The following GPM6A variants were observed in gnomAD, a reference collection of about 807,000 sequenced individuals.
GPM6A encodes the protein glycoprotein M6A.
A neutral mutation model predicts 32.1 loss-of-function variants in GPM6A; 7 were observed. The ratio of observed to expected loss-of-function variants is 0.22; its 90% CI spans 0.12 to 0.41. GPM6A has a LOEUF of 0.41. GPM6A is among the 10% of genes least tolerant of loss of function. The probability of loss-of-function intolerance (pLI) is 1.00; values close to 1 mark genes in which losing one functional copy is unlikely to be tolerated. For synonymous variants in GPM6A, 130 were observed against 123.4 expected (o/e 1.05, Z -0.35); for missense variants, 235 against 347.2 (o/e 0.68, Z 2.57).
chr4:175,799,328 A>G (rs936243497), intron 1 of GPM6A, among the ~76,000 whole-genome samples: 2 of 151,940 alleles, frequency 1.3e-5, no homozygotes, highest in South Asian at 2.1e-4. Flanking sequence ...ACTCTGGACC[A>G]CTCATTTTGA....
intron 1 of GPM6A, among the ~76,000 whole-genome samples, chr4:175,754,256 T>C (rs965569543): frequency 2.0e-5 from 3 of 152,098 alleles, no homozygotes; most frequent in East Asian, 3.9e-4. Flanking sequence ...GTCTCCTTGA[T>C]ATGCTCAAGT....
chr4:175,727,167 G>A (rs1258174808), intron 1 of GPM6A, among the ~76,000 whole-genome samples: 1 of 152,112 alleles, frequency 6.6e-6, no homozygotes, highest in Non-Finnish European at 1.5e-5. Context: ...TTGACATTAT[G>A]TCATCGGTAT....
At chr4:175,812,020 C>T in intron 1 of GPM6A, 171 bp downstream of exon 1, 1 of 548,724 alleles carries the variant, frequency 1.8e-6, no homozygotes, top group Non-Finnish European at 3.2e-6. Flanking sequence ...CAAATAATGA[C>T]AACATTCGTG....
In GPM6A at chr4:175,756,840, A is replaced by G. The variant is rs149061963; in HGVS notation, c.38-55073T>C. Among the ~76,000 whole-genome samples, 1,062 of 152,268 alleles carry G rather than the reference A, an allele frequency of 7.0e-3. 8 individuals carry two copies. The highest frequency in any genetic ancestry group is 0.01 in the Non-Finnish European group (691 of 68,016). ...AAGTAAAATCAATTGCCCCTTTGAT[A>G]AAATACTGACATCTCAAAGTAAATT... On this transcript the variant is annotated intron_variant, in intron 1 of 6. Transcript: ENST00000393658.
At chr4:175,805,298 T>C (rs923107495) in intron 1 of GPM6A, among the ~76,000 whole-genome samples, 9 of 152,170 alleles carry the variant, frequency 5.9e-5, no homozygotes, top group Non-Finnish European at 1.5e-5. Context: ...AAAGAATAGG[T>C]AATTCACCAT....
At chr4:175,749,288 A>T (rs1732227302) in intron 1 of GPM6A, among the ~76,000 whole-genome samples, 1 of 152,182 alleles carries the variant, frequency 6.6e-6, no homozygotes, top group Non-Finnish European at 1.5e-5. Context: ...TCACCATAAC[A>T]AATATAATAA....
At chr4:175,973,243 G>A (rs925253233) in intron 1 of GPM6A, among the ~76,000 whole-genome samples, 3 of 152,156 alleles carry the variant, frequency 2.0e-5, no homozygotes, top group Admixed American at 1.3e-4. Context: ...AGCAGTCCAC[G>A]TCAACAGAGT....
rs184030495 is a variant in GPM6A at position 175,991,565 on chromosome 4, C to A, written c.-23+10744G>T. Among the ~76,000 whole-genome samples the A allele has an allele frequency of 1.5e-3, 229 of 152,058 alleles. 2 individuals are homozygous for A. Among genetic ancestry groups the A allele is most frequent in the Non-Finnish European group, 2.0e-3 (137 of 67,990 alleles). ...GAAGTTCATTATTTGCACTTCAAAT[C>A]TAGATGGAAATACATAGTTGACTTA... On this transcript the variant is annotated intron_variant, in intron 1 of 7. Coordinates refer to the GPM6A transcript ENST00000280187.
intron 1 of GPM6A, among the ~76,000 whole-genome samples, chr4:175,879,858 A>G (rs937501622): frequency 1.3e-5 from 2 of 152,202 alleles, no homozygotes; most frequent in Non-Finnish European, 1.5e-5. Context: ...TAATAAAATA[A>G]TATTGAAAAA....
intron 1 of GPM6A, among the ~76,000 whole-genome samples, chr4:175,842,696 T>C (rs1735977433): frequency 6.6e-6 from 1 of 152,156 alleles, no homozygotes; most frequent in Non-Finnish European, 1.5e-5. Context: ...TGAGATCCTG[T>C]GTCTAAAAAA....
At chr4:175,645,969 TTTTC>T (rs1182834250) in intron 4 of GPM6A, among the ~76,000 whole-genome samples, 1 of 152,200 alleles carries the variant, frequency 6.6e-6, no homozygotes, top group Non-Finnish European at 1.5e-5. Context: ...GTTTTCTTTA[TTTTC>T]AAAGTCAGCA....
intron 3 of GPM6A, among the ~76,000 whole-genome samples, chr4:175,660,767 A>T (rs990930311): frequency 6.6e-6 from 1 of 152,184 alleles, no homozygotes; most frequent in Non-Finnish European, 1.5e-5. Flanking sequence ...TAGAATGAAG[A>T]AGCAAAAAAA....
intron 1 of GPM6A, among the ~76,000 whole-genome samples, chr4:175,830,425 A>ATAGTAGC (rs1371575614): frequency 1.3e-5 from 2 of 152,198 alleles, no homozygotes; most frequent in Non-Finnish European, 2.9e-5. Context: ...TGATGTAATA[A>ATAGTAGC]TAGTAGCTAA....
At chr4:175,667,450 G>A (rs1742812388) in intron 3 of GPM6A, among the ~76,000 whole-genome samples, 1 of 152,114 alleles carries the variant, frequency 6.6e-6, no homozygotes, top group Non-Finnish European at 1.5e-5. Flanking sequence ...GTAGTTCTTA[G>A]TAGTCTAAGG....
At chr4:175,929,554 T>C (rs1560998458) in intron 1 of GPM6A, among the ~76,000 whole-genome samples, 2 of 152,210 alleles carry the variant, frequency 1.3e-5, no homozygotes, top group African/African-American at 4.8e-5. Context: ...GAGGCATGTA[T>C]ACGACTTGCC....
At chr4:175,811,677 C>T (rs1159210680) in intron 1 of GPM6A, among the ~76,000 whole-genome samples, 1 of 152,124 alleles carries the variant, frequency 6.6e-6, no homozygotes, top group African/African-American at 2.4e-5. Context: ...CTGCTTAAAC[C>T]TATATTGCAT....
At chr4:175,769,126 A>T (rs1733090595) in intron 1 of GPM6A, among the ~76,000 whole-genome samples, 1 of 152,074 alleles carries the variant, frequency 6.6e-6, no homozygotes, top group Non-Finnish European at 1.5e-5. Context: ...ACTATCTGAA[A>T]CTTAGTTTTT....
intron 1 of GPM6A, among the ~76,000 whole-genome samples, chr4:175,840,874 C>G (rs1735913753): frequency 6.6e-6 from 1 of 152,072 alleles, no homozygotes; most frequent in Non-Finnish European, 1.5e-5. Flanking sequence ...AATAGCAAAA[C>G]ATTGGCAAAT....
chr4:175,796,928 C>T lies in GPM6A; in HGVS notation c.37+15263G>A, dbSNP rs541883957. On this transcript the variant is annotated intron_variant, in intron 1 of 6. Transcript: ENST00000393658. ...TCTGACCCAAAACAGTATTTTCAGA[C>T]GTTTCTGATAAGTCCTGAATTGTTT... 9.2e-5 allele frequency among the ~76,000 whole-genome samples: 14 copies of T among 152,208 alleles called. No individual in the cohort carries two copies. The East Asian group carries it at 1.2e-3, about 13-fold the overall frequency.
Sources: allele counts gnomAD v4.1 joint callset (sites outside exome capture counted in the v4.1 genomes callset), GRCh38; gene constraint gnomAD v4.1.1; transcripts MANE v1.5; gene names NCBI Gene and HGNC (gene_info 2026-07-23, HGNC 2026-07-21).